The following SYT1 variants were observed in gnomAD, a reference collection of about 807,000 sequenced individuals.
SYT1 encodes synaptotagmin 1.
In SYT1, 8 loss-of-function variants were observed where a neutral mutation model predicts 44.8. The ratio of observed to expected loss-of-function variants is 0.18; its 90% CI spans 0.10 to 0.32. The LOEUF (loss-of-function observed/expected upper bound fraction) is 0.32, where lower values mean the gene tolerates loss of function less well. Among genes scored for constraint, SYT1 ranks in the 10% least tolerant of loss-of-function variants. SYT1 has a pLI of 1.00. For synonymous variants in SYT1, 154 were observed against 188.8 expected, an observed-to-expected ratio of 0.82 and a Z score of 1.51; for missense variants, 286 against 509.3, an observed-to-expected ratio of 0.56 and a Z score of 4.22.
intron 9 of SYT1, among the ~76,000 whole-genome samples, chr12:79,407,372 T>C (rs1885280128): frequency 6.6e-6 from 1 of 152,092 alleles, no homozygotes; most frequent in African/African-American, 2.4e-5. Context: ...GGTAAAGGTC[T>C]TGATGAGGGA....
chr12:79,109,144 C>T lies in SYT1; in HGVS notation c.-18+61782C>T, dbSNP rs560325893. Among the ~76,000 whole-genome samples, 5 of 152,286 alleles carry T rather than the reference C, an allele frequency of 3.3e-5. No individual in the cohort carries two copies. The East Asian group carries it at 9.7e-4, about 29-fold the overall frequency. On this transcript the variant is annotated intron_variant, in intron 3 of 10. Transcript: ENST00000261205. The stretch of plus-strand genomic sequence containing the variant: ...TACTCAGGAAGAGGAGGGCCAGGCT[C>T]CTCCCTGCTGCAAACAGCACAAACT...
At chr12:79,309,252 A>T (rs1217534025) in intron 8 of SYT1, among the ~76,000 whole-genome samples, 6 of 152,240 alleles carry the variant, frequency 3.9e-5, no homozygotes, top group Non-Finnish European at 1.5e-5. Context: ...GGCGCCAAAC[A>T]GTACGAAAGA....
chr12:79,115,129 AG>A (rs1336352334), intron 3 of SYT1, among the ~76,000 whole-genome samples: 2 of 152,168 alleles, frequency 1.3e-5, no homozygotes, highest in Non-Finnish European at 2.9e-5. Context: ...AGCAGTAAAA[AG>A]CTTGTGTAGA....
chr12:79,061,170 G>T (rs1565787588), intron 3 of SYT1, among the ~76,000 whole-genome samples: 1 of 151,962 alleles, frequency 6.6e-6, no homozygotes, highest in Non-Finnish European at 1.5e-5. Flanking sequence ...AGCGTATTAT[G>T]GAATATTCTT....
intron 3 of SYT1, among the ~76,000 whole-genome samples, chr12:79,083,671 A>G (rs985242952): frequency 6.6e-6 from 1 of 152,180 alleles, no homozygotes; most frequent in African/African-American, 2.4e-5. Flanking sequence ...AAATAGCATT[A>G]CATATATTGT....
At chr12:79,092,460 C>G (rs1248929259) in intron 3 of SYT1, among the ~76,000 whole-genome samples, 1 of 151,016 alleles carries the variant, frequency 6.6e-6, no homozygotes, top group African/African-American at 2.4e-5. Flanking sequence ...ATTCTGCACA[C>G]AAAAGTACAC....
At chr12:79,364,491 C>A (rs538083396) in intron 9 of SYT1, among the ~76,000 whole-genome samples, 135 of 152,284 alleles carry the variant, frequency 8.9e-4, no homozygotes, top group African/African-American at 3.2e-3. Flanking sequence ...AAAGACCATA[C>A]CGGCTGACAG....
At chr12:79,129,165 A>G (rs1314644940) in intron 3 of SYT1, among the ~76,000 whole-genome samples, 1 of 152,168 alleles carries the variant, frequency 6.6e-6, no homozygotes, top group Non-Finnish European at 1.5e-5. Flanking sequence ...AAGGACTGCA[A>G]TAATTGGTGT....
intron 3 of SYT1, among the ~76,000 whole-genome samples, chr12:79,182,321 G>A (rs1872591187): frequency 6.6e-6 from 1 of 151,480 alleles, no homozygotes; most frequent in African/African-American, 2.4e-5. Context: ...TGATTTTTTG[G>A]GACACTTTGG....
intron 9 of SYT1, among the ~76,000 whole-genome samples, chr12:79,432,949 C>T (rs929133656): frequency 6.6e-5 from 10 of 152,020 alleles, no homozygotes; most frequent in Admixed American, 3.9e-4. Flanking sequence ...AGCACTGAGA[C>T]GTTTTCAGCT....
chr12:79,407,987 G>A (rs1042982080), intron 9 of SYT1, among the ~76,000 whole-genome samples: 5 of 152,176 alleles, frequency 3.3e-5, no homozygotes, highest in South Asian at 2.1e-4. Context: ...ATGTTGCTTC[G>A]AGAAGAGGCT....
chr12:79,439,372 G>A (rs1225255209), intron 9 of SYT1, among the ~76,000 whole-genome samples: 2 of 152,146 alleles, frequency 1.3e-5, no homozygotes, highest in Non-Finnish European at 2.9e-5. Flanking sequence ...GGTAATGAAA[G>A]AAATGTTCCC....
chr12:78,909,269 T>C (rs1186212980), intron 1 of SYT1, among the ~76,000 whole-genome samples: 1 of 151,988 alleles, frequency 6.6e-6, no homozygotes. Flanking sequence ...CTATGATTTA[T>C]CATCCATTTA....
chr12:79,179,524 T>TAGATATAGATATAGATATAG (rs1872358167), intron 3 of SYT1, among the ~76,000 whole-genome samples: 1 of 19,990 alleles, frequency 5.0e-5, no homozygotes, highest in African/African-American at 1.9e-4. Context: ...TATATCTATA[T>TAGATATAGATATAGATATAG]AGATATAGAT....
chr12:79,115,087 T>C (rs1044796106), intron 3 of SYT1, among the ~76,000 whole-genome samples: 1 of 152,166 alleles, frequency 6.6e-6, no homozygotes, highest in African/African-American at 2.4e-5. Flanking sequence ...CATAAAATAG[T>C]AAATTATCTC....
intron 1 of SYT1, among the ~76,000 whole-genome samples, chr12:78,943,115 AG>A (rs1438325176): frequency 6.6e-6 from 1 of 152,174 alleles, no homozygotes; most frequent in Non-Finnish European, 1.5e-5. Context: ...ATAATTTATA[AG>A]GGGTTTCTAA....
intron 8 of SYT1, among the ~76,000 whole-genome samples, chr12:79,317,566 G>A (rs549618928): frequency 5.7e-4 from 86 of 152,192 alleles, no homozygotes; most frequent in African/African-American, 1.9e-3. Context: ...GGAGAACCCG[G>A]GGCACACAAA....
At chr12:79,251,057 C>T (rs1304841173) in intron 4 of SYT1, among the ~76,000 whole-genome samples, 1 of 152,138 alleles carries the variant, frequency 6.6e-6, no homozygotes, top group African/African-American at 2.4e-5. Context: ...TGCAAAATTT[C>T]TACCCTTCTG....
At chr12:79,106,495 T>A (rs1878725561) in intron 3 of SYT1, among the ~76,000 whole-genome samples, 1 of 150,754 alleles carries the variant, frequency 6.6e-6, no homozygotes, top group Admixed American at 6.6e-5. Flanking sequence ...AAAAATTGTT[T>A]ATAATGCTTT....
Sources: allele counts gnomAD v4.1 joint callset (sites outside exome capture counted in the v4.1 genomes callset), GRCh38; gene constraint gnomAD v4.1.1; transcripts MANE v1.5; gene names NCBI Gene and HGNC (gene_info 2026-07-23, HGNC 2026-07-21).